Variants in TRHDE observed in about 807,000 individuals in gnomAD.
TRHDE encodes the protein thyrotropin releasing hormone degrading enzyme.
A neutral mutation model predicts 125.7 loss-of-function variants in TRHDE; 72 were observed. The ratio of observed to expected loss-of-function variants is 0.57; its 90% confidence interval spans 0.47 to 0.70. The LOEUF (loss-of-function observed/expected upper bound fraction) is 0.70, where lower values mean the gene tolerates loss of function less well. Ranked by LOEUF, TRHDE falls within the 30% of genes least tolerant of loss-of-function variation. TRHDE has a pLI of 0.00. For missense variants in TRHDE, 1,110 were observed against 1,327.1 expected (o/e 0.84, Z 2.54); for synonymous variants, 509 against 509.1 (o/e 1.00, Z 0.00).
rs139325043 is a variant in TRHDE at position 72,336,631 on chromosome 12, C to T, written c.1189-41364C>T. Among the ~76,000 whole-genome samples, 50 of 152,224 alleles carry T rather than the reference C, an allele frequency of 3.3e-4. No homozygotes were observed. The South Asian group carries it at 4.2e-3, about 13-fold the overall frequency. On this transcript the variant is annotated intron_variant, in intron 2 of 18. Transcript: ENST00000261180. The stretch of plus-strand genomic sequence containing the variant: ...TAGAAGCGTATTTGGCTCATGATTC[C>T]GGAGGCTGAAAAGTCCAAAAGCATG...
chr12:72,241,635 A>G (rs1397838483), intron 2 of TRHDE, among the ~76,000 whole-genome samples: 3 of 152,202 alleles, frequency 2.0e-5, no homozygotes, highest in Non-Finnish European at 2.9e-5. Flanking sequence ...GAGTTTTTGT[A>G]TGAGCATTTT....
At chr12:72,398,820 C>G (rs1371847585) in intron 3 of TRHDE, among the ~76,000 whole-genome samples, 2 of 152,152 alleles carry the variant, frequency 1.3e-5, no homozygotes, top group African/African-American at 4.8e-5. Context: ...TCCAGAGGTG[C>G]AGATTAAGTT....
chr12:72,272,458 C>T lies in TRHDE; in HGVS notation c.-186C>T, dbSNP rs1164801155. ...GCCCGGTGTCCAGAGTGAGGCGGGGCTGATGGGGGTCGCGGAAGCTGCCGT... is the reference window on the plus strand; with the variant it reads ...GCCCGGTGTCCAGAGTGAGGCGGGGTTGATGGGGGTCGCGGAAGCTGCCGT... On this transcript the variant is annotated 5_prime_UTR_variant, in exon 1 of 19. Transcript: ENST00000261180. This position sits in a 1 kb window ranked among gnomAD's most constrained non-coding sequence, Gnocchi z 6.7. The T allele has an allele frequency of 6.1e-6, 3 of 495,158 alleles. No homozygotes were observed. The highest frequency in any genetic ancestry group is 1.9e-5 in the African/African-American group (1 of 51,418). 30.7% of individuals were successfully genotyped at this position (495,158 alleles called of 1,614,324 possible).
At chr12:72,468,947 C>T (rs1014341472) in intron 3 of TRHDE, among the ~76,000 whole-genome samples, 6 of 152,094 alleles carry the variant, frequency 3.9e-5, no homozygotes, top group East Asian at 1.9e-4. Flanking sequence ...GGGAGTACAT[C>T]GAAGCATGAA....
At chr12:72,601,429 A>G (rs531557078) in intron 12 of TRHDE, among the ~76,000 whole-genome samples, 2 of 152,268 alleles carry the variant, frequency 1.3e-5, no homozygotes, top group South Asian at 4.1e-4. Context: ...ACTAAGGATT[A>G]AAACATTATA....
chr12:72,650,663 G>A (rs940705625), intron 15 of TRHDE, among the ~76,000 whole-genome samples: 3 of 151,930 alleles, frequency 2.0e-5, no homozygotes, highest in Non-Finnish European at 1.5e-5. Context: ...ATTGATTGAT[G>A]GGTTAGTGAT....
chr12:72,284,883 T>C (rs1879822842), intron 1 of TRHDE, among the ~76,000 whole-genome samples: 1 of 152,226 alleles, frequency 6.6e-6, no homozygotes, highest in Non-Finnish European at 1.5e-5. Flanking sequence ...TTCTATCATT[T>C]TGACTTTTGT....
chr12:72,150,670 T>G (rs970888996), intron 2 of TRHDE, among the ~76,000 whole-genome samples: 1 of 151,316 alleles, frequency 6.6e-6, no homozygotes, highest in African/African-American at 2.4e-5. Flanking sequence ...GTCCTTGCAA[T>G]AGTTTGCTGA....
In TRHDE at chr12:72,260,752, A is replaced by C. The variant is rs150998134; in HGVS notation, n.280-117243A>C. Among the ~76,000 whole-genome samples the C allele has an allele frequency of 2.7e-4, 41 of 152,306 alleles. No individual in the cohort carries two copies. The East Asian group carries it at 7.7e-3, about 29-fold the overall frequency. The stretch of plus-strand genomic sequence containing the variant: ...AGTAAGGGCCAAGAAGCTGATGATA[A>C]ATACTACCAAATGGAGCCTTCGTTC... On this transcript the variant is annotated intron_variant and non_coding_transcript_variant, in intron 2 of 4. Transcript: ENST00000548156.
chr12:72,305,928 C>T (rs554228751), intron 2 of TRHDE, among the ~76,000 whole-genome samples: 29 of 152,306 alleles, frequency 1.9e-4, no homozygotes, highest in African/African-American at 7.0e-4. Flanking sequence ...CCTCTCTCTA[C>T]CTTGGCCATT....
intron 2 of TRHDE, among the ~76,000 whole-genome samples, chr12:72,154,248 G>T (rs1245817006): frequency 6.6e-6 from 1 of 151,948 alleles, no homozygotes; most frequent in African/African-American, 2.4e-5. Flanking sequence ...CCATTTGCTT[G>T]GTAGATCTTC....
At chr12:72,204,525 A>G (rs906741374) in intron 2 of TRHDE, among the ~76,000 whole-genome samples, 1 of 152,062 alleles carries the variant, frequency 6.6e-6, no homozygotes, top group Non-Finnish European at 1.5e-5. Flanking sequence ...CTACTAGTCA[A>G]ATTCTTTCCT....
intron 1 of TRHDE, among the ~76,000 whole-genome samples, chr12:72,283,211 T>C (rs1033687039): frequency 1.1e-4 from 16 of 152,202 alleles, no homozygotes; most frequent in African/African-American, 3.9e-4. Context: ...AAGGAGCAAA[T>C]GCTTTATAGA....
intron 12 of TRHDE, among the ~76,000 whole-genome samples, chr12:72,606,943 T>C (rs1872469495): frequency 6.6e-6 from 1 of 152,118 alleles, no homozygotes; most frequent in Admixed American, 6.6e-5. Flanking sequence ...AAAATTAACA[T>C]CCCTTTAATA....
rs937627421 is a variant in TRHDE, at chr12:72,670,389, G to A, written c.*7194G>A. ...ACTAATAAAATTGATTTCCCTAAAT[G>A]AGAAAATTTGTCTTCTGTATTTTAA... On this transcript the variant is annotated 3_prime_UTR_variant, in exon 19 of 19. Transcript: ENST00000261180. The A allele has an allele frequency of 6.6e-6, 1 of 151,608 alleles. No homozygotes were observed. The highest frequency in any genetic ancestry group is 1.5e-5 in the Non-Finnish European group (1 of 67,716). 9.4% of individuals were successfully genotyped at this position (151,608 alleles called of 1,614,324 possible). A position where few individuals can be genotyped will look rare whatever the true frequency, so the allele number is the denominator to read the frequency against.
chr12:72,172,758 G>T (rs1876901117), intron 2 of TRHDE, among the ~76,000 whole-genome samples: 1 of 152,198 alleles, frequency 6.6e-6, no homozygotes, highest in Admixed American at 6.5e-5. Flanking sequence ...TGCTTCATGA[G>T]AAGTTGGTTC....
At chr12:72,591,963 C>G (rs1029426492) in intron 12 of TRHDE, among the ~76,000 whole-genome samples, 2 of 151,616 alleles carry the variant, frequency 1.3e-5, no homozygotes, top group Non-Finnish European at 2.9e-5. Flanking sequence ...TATATGCATG[C>G]AAGCACTTGC....
chr12:72,604,759 G>C (rs1162847981), intron 12 of TRHDE, among the ~76,000 whole-genome samples: 1 of 151,890 alleles, frequency 6.6e-6, no homozygotes, highest in East Asian at 1.9e-4. Context: ...TTCAACTTTA[G>C]AAAATTACTT....
chr12:72,279,275 A>G (rs1317830610), intron 1 of TRHDE, among the ~76,000 whole-genome samples: 2 of 152,212 alleles, frequency 1.3e-5, no homozygotes, highest in African/African-American at 4.8e-5. Context: ...TGATACAAAA[A>G]CAGTGAGGAA....
Sources: gnomAD v4.1 joint callset for allele counts (sites outside exome capture counted in the v4.1 genomes callset) on GRCh38, gnomAD v4.1.1 for gene constraint, Gnocchi (gnomAD v3.1) non-coding constraint, MANE v1.5 for transcripts, NCBI Gene and HGNC (gene_info 2026-07-23, HGNC 2026-07-21) for gene names.